The following VCPIP1 variants were observed in gnomAD, a reference collection of about 807,000 sequenced individuals.
VCPIP1 encodes valosin containing protein interacting protein 1, also known as deubiquitinating protein VCPIP1.
VCPIP1 carries 8 observed loss-of-function variants against 85.0 expected under a neutral mutation model. The observed-to-expected ratio is 0.09, with a 90% CI of 0.06 to 0.17. The LOEUF is 0.17. Among genes scored for constraint, VCPIP1 ranks in the 10% least tolerant of loss-of-function variants. The pLI is 1.00. For missense variants in VCPIP1, 1,070 were observed against 1,486.3 expected (o/e 0.72, Z 4.61); for synonymous variants, 543 against 544.5 (o/e 1.00, Z 0.04).
rs1399494984 is a variant in VCPIP1 at position 66,634,577 on chromosome 8, G to C, written c.3593C>G (p.Ser1198Cys). ...ATCCATCTCTTCAAGCTCCTCCACG[G>C]AATTTCCCCTTTGTGCTTTTGACCT... ...ATRSKAQRGN[S>C]VEELEEMDSQ... Residue 1198 changes from serine (S) to cysteine (C), a missense_variant, in exon 3 of 3, where the codon TCC (serine) becomes TGC (cysteine). By Grantham distance (112) the Ser-to-Cys change is moderately radical. This residue lies in a region of VCPIP1 where 255 missense variants were observed against 289.5 expected (regional missense o/e 0.88). Coordinates refer to ENST00000310421, the MANE Select transcript of VCPIP1 (RefSeq NM_025054.5). 1.2e-6 allele frequency: 2 copies of C among 1,614,108 alleles called. No homozygotes were observed. Among genetic ancestry groups the C allele is most frequent in the Non-Finnish European group, 8.5e-7 (1 of 1,180,012 alleles).
rs773024575 is a variant in VCPIP1 at position 66,666,627 on chromosome 8, T to C, written c.332A>G (p.Lys111Arg). ...CACCTTTACCAGTTCCGTGTTCTTC[T>C]TGGGTGCCCCCGTAACCCCGAGCAG... ...NALLGVTGAP[K>R]KNTELVKVMG... The change falls in exon 1 of 3, where the codon AAG becomes AGG. Residue 111 changes from lysine to arginine, a missense_variant. By Grantham distance (26) the Lys-to-Arg change is conservative. Around this residue, in one of 8 missense-constraint regions of VCPIP1, gnomAD observed 164 missense variants for 158.6 expected, o/e 1.03. Transcript: ENST00000310421. The surrounding 1 kb of genome is among the most constrained non-coding windows in gnomAD (Gnocchi z 6.3). The C allele has an allele frequency of 7.4e-6, 12 of 1,614,092 alleles. No individual in the cohort carries two copies. The highest frequency in any genetic ancestry group is 1.0e-5 in the Non-Finnish European group (12 of 1,180,042).
chr8:66,661,005 T>A (rs1051307103), intron 1 of VCPIP1, among the ~76,000 whole-genome samples: 2 of 152,016 alleles, frequency 1.3e-5, no homozygotes, highest in Admixed American at 1.3e-4. Flanking sequence ...ATCGCACCAC[T>A]GCACTCCAGC....
At chr8:66,663,771 GGAA>G (rs1811179521) in intron 1 of VCPIP1, among the ~76,000 whole-genome samples, 1 of 152,088 alleles carries the variant, frequency 6.6e-6, no homozygotes, top group African/African-American at 2.4e-5. Context: ...AACTGGGAAA[GGAA>G]GAAAATGAAA....
chr8:66,662,107 T>A (rs1479186105), intron 1 of VCPIP1, among the ~76,000 whole-genome samples: 1 of 152,060 alleles, frequency 6.6e-6, no homozygotes, highest in Admixed American at 6.6e-5. Context: ...ATCCTGCCCA[T>A]GTCCGTTTAT....
intron 2 of VCPIP1, among the ~76,000 whole-genome samples, chr8:66,639,321 CTT>C (rs57563619): frequency 4.0e-4 from 27 of 67,810 alleles, no homozygotes; most frequent in African/African-American, 1.5e-3. Flanking sequence ...TAATTTTATT[CTT>C]TTTTTTTTTT....
chr8:66,654,138 T>C (rs557993476), intron 1 of VCPIP1, among the ~76,000 whole-genome samples: 10 of 152,254 alleles, frequency 6.6e-5, no homozygotes, highest in Non-Finnish European at 1.5e-4. Context: ...TTGAATCCTG[T>C]GTATCAGTCC....
At position 66,631,829 on chromosome 8, in the gene VCPIP1, C is replaced by T. The variant is rs933720319; in HGVS notation, c.*2672G>A. The T allele has an allele frequency of 6.6e-6, 1 of 152,450 alleles. No homozygotes were observed. Among genetic ancestry groups the T allele is most frequent in the Non-Finnish European group, 1.5e-5 (1 of 67,948 alleles). 9.4% of individuals were successfully genotyped at this position (152,450 alleles called of 1,614,324 possible). On this transcript the variant is annotated 3_prime_UTR_variant, in exon 3 of 3. Coordinates refer to ENST00000310421, the MANE Select transcript of VCPIP1 (RefSeq NM_025054.5). ...TCTCATGGAGTTAATTATATTCTATCTTAATATATGGCAGCATCTTGTTTT... is the reference window on the plus strand; with the variant it reads ...TCTCATGGAGTTAATTATATTCTATTTTAATATATGGCAGCATCTTGTTTT...
At chr8:66,663,361 T>C (rs545452711) in intron 1 of VCPIP1, among the ~76,000 whole-genome samples, 1 of 152,264 alleles carries the variant, frequency 6.6e-6, no homozygotes, top group Non-Finnish European at 1.5e-5. Context: ...ACTTTTCTCG[T>C]TGAAAGCTTT....
At chr8:66,642,213 C>T (rs186755640) in intron 2 of VCPIP1, among the ~76,000 whole-genome samples, 15 of 152,238 alleles carry the variant, frequency 9.9e-5, no homozygotes, top group African/African-American at 3.4e-4. Context: ...CATCTTTTCA[C>T]GTGTGATTGG....
intron 2 of VCPIP1, among the ~76,000 whole-genome samples, chr8:66,641,618 T>C (rs965194354): frequency 1.8e-4 from 28 of 152,334 alleles, no homozygotes; most frequent in African/African-American, 5.3e-4. Context: ...TCCCTCTACC[T>C]CATTCCCAGC....
chr8:66,639,709 GT>G (rs975778073), intron 2 of VCPIP1, among the ~76,000 whole-genome samples: 3 of 152,116 alleles, frequency 2.0e-5, no homozygotes, highest in Non-Finnish European at 4.4e-5. Flanking sequence ...GGGCAATACT[GT>G]TTTTCAAATG....
At chr8:66,643,811 A>C (rs1810969772) in intron 2 of VCPIP1, among the ~76,000 whole-genome samples, 1 of 151,888 alleles carries the variant, frequency 6.6e-6, no homozygotes, top group Non-Finnish European at 1.5e-5. Flanking sequence ...CTGAAATCAG[A>C]AAAATAACAA....
chr8:66,651,364 G>T, intron 2 of VCPIP1, 94 bp downstream of exon 2: 1 of 950,626 alleles, frequency 1.1e-6, no homozygotes, highest in Non-Finnish European at 1.5e-6. Context: ...AATTAACTTT[G>T]AAAATATTTT....
At chr8:66,643,235 A>C (rs536362556) in intron 2 of VCPIP1, among the ~76,000 whole-genome samples, 1 of 152,242 alleles carries the variant, frequency 6.6e-6, no homozygotes, top group African/African-American at 2.4e-5. Context: ...AGGCAGGAGA[A>C]TCACGTCAAC....
chr8:66,631,039 G>A lies in VCPIP1; in HGVS notation c.*3462C>T, dbSNP rs529644023. On this transcript the variant is annotated 3_prime_UTR_variant, in exon 3 of 3. Coordinates refer to ENST00000310421, the MANE Select transcript of VCPIP1 (RefSeq NM_025054.5). ...GCATTTACTCAACTTAGAATATGGC[G>A]CTATTATTATTATAAATGGTGGTTT... 1 of 152,142 alleles carries A rather than the reference G, an allele frequency of 6.6e-6. No individual in the cohort carries two copies. The highest frequency in any genetic ancestry group is 1.9e-4 in the East Asian group (1 of 5,180). 9.4% of individuals were successfully genotyped at this position (152,142 alleles called of 1,614,324 possible).
At chr8:66,639,510 A>G (rs2130150824) in intron 2 of VCPIP1, among the ~76,000 whole-genome samples, 1 of 151,074 alleles carries the variant, frequency 6.6e-6, no homozygotes, top group South Asian at 2.1e-4. Flanking sequence ...GCCTGCCACC[A>G]TACACAACAA....
rs1479870599 is a variant in VCPIP1, at chr8:66,631,803, T to C, written c.*2698A>G. On this transcript the variant is annotated 3_prime_UTR_variant, in exon 3 of 3. Transcript: ENST00000310421. ...TCTTTAACTAGTTCCTGAGTAACCA[T>C]TCTCATGGAGTTAATTATATTCTAT... The C allele has an allele frequency of 6.6e-6, 1 of 152,558 alleles. No individual in the cohort carries two copies. The highest frequency in any genetic ancestry group is 2.4e-5 in the African/African-American group (1 of 41,446). The allele number at this position is 152,558 out of a possible 1,614,324, so 9.5% of individuals were successfully genotyped here.
intron 2 of VCPIP1, among the ~76,000 whole-genome samples, chr8:66,638,970 C>CTCTATATATATATATATATA: frequency 5.1e-5 from 6 of 118,432 alleles, no homozygotes; most frequent in African/African-American, 2.3e-4. Flanking sequence ...CTCTCTCTCT[C>CTCTATATATATATATATATA]TATATATATA....
In VCPIP1 at chr8:66,666,551, G is replaced by C. The variant is rs750004392; in HGVS notation, c.408C>G (p.Arg136=). ...HCKLLSPILA[R]YGMDKQTGRA... ...GGCCTGTCTGTTTGTCCATTCCATA[G>C]CGAGCTAATATGGGCGACAACAATT... Residue 136 remains arginine (R), a synonymous_variant, in exon 1 of 3, where the codon CGC becomes CGG. Coordinates refer to ENST00000310421, the MANE Select transcript of VCPIP1 (RefSeq NM_025054.5). This position sits in a 1 kb window ranked among gnomAD's most constrained non-coding sequence, Gnocchi z 6.3. 8 of 1,614,044 alleles carry C rather than the reference G, an allele frequency of 5.0e-6. No homozygotes were observed. In the African/African-American group the frequency reaches 1.1e-4, roughly 22 times the overall value.
Sources: gnomAD v4.1 joint callset for allele counts (sites outside exome capture counted in the v4.1 genomes callset) on GRCh38, gnomAD v4.1.1 for gene constraint, gnomAD v4.1.1 regional missense constraint, Gnocchi (gnomAD v3.1) non-coding constraint, MANE v1.5 for transcripts, NCBI Gene and HGNC (gene_info 2026-07-23, HGNC 2026-07-21) for gene names.